Variants in ERCC6L2 observed in about 807,000 individuals in gnomAD.
ERCC6L2 encodes the protein ERCC excision repair 6 like 2, also known as DNA excision repair protein ERCC-6-like 2.
ERCC6L2 carries 77 observed loss-of-function variants against 132.0 expected under a neutral mutation model. The observed-to-expected ratio is 0.58, with a 90% CI of 0.49 to 0.71. The LOEUF is 0.71. ERCC6L2 is among the 30% of genes least tolerant of loss of function. ERCC6L2 has a pLI of 0.00. For missense variants in ERCC6L2, 1,542 were observed against 1,837.6 expected (o/e 0.84, Z 2.94); for synonymous variants, 583 against 632.4 (o/e 0.92, Z 1.17).
intron 11 of ERCC6L2, among the ~76,000 whole-genome samples, chr9:95,939,377 TG>T (rs1830698526): frequency 6.6e-6 from 1 of 152,096 alleles, no homozygotes; most frequent in African/African-American, 2.4e-5. Context: ...AGTCTGAGAA[TG>T]TCTTATCTCC....
intron 20 of ERCC6L2, among the ~76,000 whole-genome samples, chr9:96,039,997 T>A (rs562649813): frequency 2.7e-4 from 40 of 150,930 alleles, no homozygotes; most frequent in African/African-American, 9.5e-4. Context: ...GGCAGGAGGA[T>A]CACTCGAGGC....
chr9:95,981,974 G>C lies in ERCC6L2; in HGVS notation c.3492+3759G>C, dbSNP rs1832911848. On this transcript the variant is annotated intron_variant, in intron 17 of 18. Transcript: ENST00000653738. ...CTGCCTGAATCCAAGCCAAAATATAGACTGTGACCAACTCTAAGAAACTAT... is the reference window on the plus strand; with the variant it reads ...CTGCCTGAATCCAAGCCAAAATATACACTGTGACCAACTCTAAGAAACTAT... Among the ~76,000 whole-genome samples, 3 of 152,228 alleles carry C rather than the reference G, an allele frequency of 2.0e-5. No individual in the cohort carries two copies. The South Asian group carries it at 6.2e-4, about 32-fold the overall frequency.
intron 4 of ERCC6L2, among the ~76,000 whole-genome samples, chr9:95,907,964 C>G (rs886078686): frequency 3.3e-5 from 5 of 151,868 alleles, no homozygotes; most frequent in African/African-American, 1.2e-4. Context: ...TTGGAAGGTA[C>G]TTTGAGGATT....
rs571947233 is a variant in ERCC6L2, at chr9:95,954,841, G to T, written c.1848-1073G>T. 8.5e-6 allele frequency: 4 copies of T among 471,142 alleles called. No individual in the cohort carries two copies. The East Asian group carries it at 2.1e-4, about 25-fold the overall frequency. 29.2% of individuals were successfully genotyped at this position (471,142 alleles called of 1,614,324 possible). A position where few individuals can be genotyped will look rare whatever the true frequency, so the allele number is the denominator to read the frequency against. ...TACCCCTGGTGGTGCTGTGTCACAG[G>T]AGCCTCCATTTCCTGCTGGAGATGT... On this transcript the variant is annotated intron_variant, in intron 12 of 18. Coordinates refer to ENST00000653738, the MANE Select transcript of ERCC6L2 (RefSeq NM_020207.7).
intron 12 of ERCC6L2, among the ~76,000 whole-genome samples, chr9:95,952,277 T>C (rs77618435): frequency 0.099 from 14,163 of 143,772 alleles, 754 homozygotes; most frequent in Admixed American, 0.14. Context: ...ATTACCCCAA[T>C]ACCAAAATCA....
At chr9:95,949,395 T>C (rs967783004) in intron 12 of ERCC6L2, among the ~76,000 whole-genome samples, 3 of 152,210 alleles carry the variant, frequency 2.0e-5, no homozygotes, top group Non-Finnish European at 2.9e-5. Flanking sequence ...AGATCCACAC[T>C]GTGGCACATT....
intron 14 of ERCC6L2, 28 bp downstream of exon 14, chr9:95,966,742 A>T (rs1036027937): frequency 1.4e-6 from 2 of 1,379,994 alleles, no homozygotes; most frequent in Admixed American, 5.1e-5. Context: ...GACCTTTTCA[A>T]TAATATTTTA....
At chr9:96,008,017 G>A (rs1242174866) in intron 18 of ERCC6L2, among the ~76,000 whole-genome samples, 5 of 152,142 alleles carry the variant, frequency 3.3e-5, no homozygotes, top group African/African-American at 9.7e-5. Context: ...CTCTGCAGTT[G>A]CAGAGAAAGG....
chr9:95,994,156 G>T (rs1833395312), intron 17 of ERCC6L2, among the ~76,000 whole-genome samples: 1 of 152,210 alleles, frequency 6.6e-6, no homozygotes, highest in South Asian at 2.1e-4. Context: ...TGATGGCAGA[G>T]TTGGCATGAT....
intron 1 of ERCC6L2, 108 bp downstream of exon 1, chr9:95,876,192 T>G: frequency 3.0e-6 from 3 of 1,005,566 alleles, no homozygotes; most frequent in Non-Finnish European, 4.4e-6. Flanking sequence ...TAGATCCTCT[T>G]CAGTGACAGC....
intron 19 of ERCC6L2, among the ~76,000 whole-genome samples, chr9:96,028,183 A>G (rs1834408397): frequency 1.3e-5 from 2 of 152,170 alleles, no homozygotes; most frequent in African/African-American, 4.8e-5. Context: ...TTTCCAGAAA[A>G]AAAAAAAAGT....
chr9:95,967,126 T>C (rs980218044), intron 14 of ERCC6L2: 1 of 152,652 alleles, frequency 6.6e-6, no homozygotes, highest in African/African-American at 2.4e-5. Flanking sequence ...CATGGAGATT[T>C]TTGTTTTCTG....
chr9:95,946,884 A>C (rs1332579450), intron 12 of ERCC6L2, among the ~76,000 whole-genome samples: 1 of 152,158 alleles, frequency 6.6e-6, no homozygotes, highest in African/African-American at 2.4e-5. Context: ...GACACCATGA[A>C]CCATGCCCCT....
chr9:95,959,552 C>G (rs1364144963), intron 13 of ERCC6L2, among the ~76,000 whole-genome samples: 2 of 151,954 alleles, frequency 1.3e-5, no homozygotes, highest in African/African-American at 4.8e-5. Context: ...AACTAAAGAG[C>G]TTCTGCACAG....
In ERCC6L2 at chr9:95,921,055, G is replaced by A. The variant is rs573576839; in HGVS notation, c.1159-120G>A. ...TTCCCAAAGTATTGGGATTACAGGC[G>A]TGAGCCTCTGCGCCCGGCCAGTTTT... On this transcript the variant is annotated intron_variant, in intron 6 of 18. Coordinates refer to ENST00000653738, the MANE Select transcript of ERCC6L2 (RefSeq NM_020207.7). 33 of 919,972 alleles carry A rather than the reference G, an allele frequency of 3.6e-5. No homozygotes were observed. The East Asian group carries it at 4.7e-4, about 13-fold the overall frequency. 57.0% of individuals were successfully genotyped at this position (919,972 alleles called of 1,614,324 possible). A position where few individuals can be genotyped will look rare whatever the true frequency, so the allele number is the denominator to read the frequency against.
chr9:95,955,385 T>G (rs1587972835), intron 12 of ERCC6L2, among the ~76,000 whole-genome samples: 1 of 151,946 alleles, frequency 6.6e-6, no homozygotes, highest in South Asian at 2.1e-4. Flanking sequence ...AAGTATACAA[T>G]TGATAAGTTT....
At chr9:96,005,071 T>C (rs555591350) in intron 18 of ERCC6L2, among the ~76,000 whole-genome samples, 21 of 152,182 alleles carry the variant, frequency 1.4e-4, no homozygotes, top group Non-Finnish European at 2.2e-4. Context: ...CTCAGCACTT[T>C]GGGAGGCCGA....
chr9:95,957,311 A>G (rs972655549), intron 13 of ERCC6L2, among the ~76,000 whole-genome samples: 9 of 152,124 alleles, frequency 5.9e-5, no homozygotes, highest in African/African-American at 2.2e-4. Context: ...GAATGATCCA[A>G]TCTTAAATTT....
chr9:95,958,388 G>A (rs1018166596), intron 13 of ERCC6L2, among the ~76,000 whole-genome samples: 2 of 152,106 alleles, frequency 1.3e-5, no homozygotes, highest in African/African-American at 4.8e-5. Flanking sequence ...GGATGGCTGG[G>A]TCAAATGGTA....
Sources: gnomAD v4.1 joint callset for allele counts (sites outside exome capture counted in the v4.1 genomes callset) on GRCh38, gnomAD v4.1.1 for gene constraint, MANE v1.5 for transcripts, NCBI Gene and HGNC (gene_info 2026-07-23, HGNC 2026-07-21) for gene names.